Variants in ATP8A2 observed in about 807,000 individuals in gnomAD.
ATP8A2 encodes phospholipid-transporting ATPase IB.
A neutral mutation model predicts 165.6 loss-of-function variants in ATP8A2; 100 were observed. That is an observed-to-expected ratio of 0.60 (90% CI 0.51 to 0.71). The LOEUF is 0.71. ATP8A2 is among the 30% of genes least tolerant of loss of function. The probability of loss-of-function intolerance (pLI) is 0.00; values close to 1 mark genes in which losing one functional copy is unlikely to be tolerated. For missense variants in ATP8A2, 1,227 were observed against 1,479.5 expected (o/e 0.83, Z 2.80); for synonymous variants, 543 against 548.8 (o/e 0.99, Z 0.15).
chr13:25,605,295 T>A (rs1239408823), intron 24 of ATP8A2, among the ~76,000 whole-genome samples: 1 of 152,198 alleles, frequency 6.6e-6, no homozygotes, highest in Admixed American at 6.5e-5. Context: ...GAACCTTTGA[T>A]GTAGTTCACT....
chr13:25,592,815 C>T (rs190337762), intron 24 of ATP8A2, among the ~76,000 whole-genome samples: 20 of 152,238 alleles, frequency 1.3e-4, no homozygotes, highest in East Asian at 5.8e-4. Context: ...TGGTTTGTGA[C>T]GCCAAACTGA....
At chr13:25,560,568 C>T (rs1593534388) in intron 15 of ATP8A2, among the ~76,000 whole-genome samples, 2 of 151,288 alleles carry the variant, frequency 1.3e-5, no homozygotes, top group South Asian at 4.2e-4. Flanking sequence ...GATGTGGTGG[C>T]GGGTGCCTGT....
In ATP8A2 at chr13:25,669,937, G is replaced by A. The variant is rs2042231585; in HGVS notation, c.2212-29236G>A. On this transcript the variant is annotated intron_variant, in intron 24 of 36. Transcript: ENST00000381655. ...ATACCTGCAGTATTTTAAGAATAAGGTTTACTTTAGCTCCCTGATACCAGC... is the reference window on the plus strand; with the variant it reads ...ATACCTGCAGTATTTTAAGAATAAGATTTACTTTAGCTCCCTGATACCAGC... Among the ~76,000 whole-genome samples the A allele has an allele frequency of 2.0e-5, 3 of 152,172 alleles. No individual in the cohort carries two copies. In the South Asian group the frequency reaches 6.2e-4, roughly 32 times the overall value.
intron 24 of ATP8A2, among the ~76,000 whole-genome samples, chr13:25,628,993 C>T (rs966735865): frequency 1.3e-5 from 2 of 152,178 alleles, no homozygotes; most frequent in Non-Finnish European, 2.9e-5. Flanking sequence ...TGGTGATCAT[C>T]ACTCTTCCAG....
chr13:25,752,452 T>TA (rs1448802323), intron 25 of ATP8A2, among the ~76,000 whole-genome samples: 5 of 150,748 alleles, frequency 3.3e-5, no homozygotes, highest in African/African-American at 7.3e-5. Context: ...AGTGAGACTC[T>TA]GAAAAAAAAG....
At chr13:25,947,088 C>G (rs1318912371) in intron 33 of ATP8A2, among the ~76,000 whole-genome samples, 1 of 152,144 alleles carries the variant, frequency 6.6e-6, no homozygotes, top group East Asian at 1.9e-4. Context: ...TTTTCCAAAT[C>G]TTTGGGTGAG....
At chr13:25,884,741 G>A (rs1305017748) in intron 33 of ATP8A2, among the ~76,000 whole-genome samples, 1 of 152,200 alleles carries the variant, frequency 6.6e-6, no homozygotes, top group Non-Finnish European at 1.5e-5. Context: ...TCGTGAGAAT[G>A]GGGCCCAAAC....
chr13:25,961,441 G>A, intron 33 of ATP8A2, 134 bp from the exon 34 acceptor site: 1 of 682,046 alleles, frequency 1.5e-6, no homozygotes, highest in Non-Finnish European at 2.6e-6. Flanking sequence ...TCCTGCCAGT[G>A]CATGGGTTAC....
chr13:25,696,150 A>G (rs999551092), intron 24 of ATP8A2, among the ~76,000 whole-genome samples: 1 of 152,202 alleles, frequency 6.6e-6, no homozygotes, highest in Non-Finnish European at 1.5e-5. Context: ...AGTGAGCAGT[A>G]ATATTTTGAA....
rs570571766 is a variant in ATP8A2 at position 25,966,813 on chromosome 13, C to T, written c.3273-1762C>T. Among the ~76,000 whole-genome samples, 20 of 152,336 alleles carry T rather than the reference C, an allele frequency of 1.3e-4. No homozygotes were observed. The East Asian group carries it at 3.7e-3, about 28-fold the overall frequency. On this transcript the variant is annotated intron_variant, in intron 34 of 36. Transcript: ENST00000381655. Reference sequence around the variant, plus strand: ...TAAGCTGTAGGTTCCCAGTGGCCAACCTTCCTATTCCAGCCTCCCACTTAG... The same window carrying T: ...TAAGCTGTAGGTTCCCAGTGGCCAATCTTCCTATTCCAGCCTCCCACTTAG...
chr13:25,469,120 A>G lies in ATP8A2; in HGVS notation c.220A>G (p.Ser74Gly), dbSNP rs770981523. 17 of 1,613,620 alleles carry G rather than the reference A, an allele frequency of 1.1e-5. No individual in the cohort carries two copies. The highest frequency in any genetic ancestry group is 4.5e-5 in the East Asian group (2 of 44,852). Residue 74 changes from serine (S) to glycine (G), a missense_variant and splice_region_variant, in exon 2 of 37, where the codon AGT becomes GGT. Ser to Gly is a moderately conservative substitution (Grantham distance 56). Transcript: ENST00000381655. ...CAACAAATTCCGCGACAACCAGATC[A>G]GGTAGGAGAAGGCGGCCGGCTCGCG... Reference protein sequence around the residue: ...HLNKFRDNQISTAKYSVLTFL... With the variant: ...HLNKFRDNQIGTAKYSVLTFL...
Position 25,961,585 on chromosome 13 carries a change from T to C in ATP8A2, c.3194T>C (p.Val1065Ala). ...APDMRGQATMVLSSAHFWLGL... is the reference protein window; with the variant it reads ...APDMRGQATMALSSAHFWLGL... ...TTCTATTTCTTGCAGGCAACTATGGTCCTGAGCTCCGCACACTTCTGGTTG... is the reference window on the plus strand; with the variant it reads ...TTCTATTTCTTGCAGGCAACTATGGCCCTGAGCTCCGCACACTTCTGGTTG... Residue 1065 changes from valine (V) to alanine (A), a missense_variant, in exon 34 of 37, where the codon GTC (valine) becomes GCC (alanine). Physicochemically the swap from Val to Ala is moderately conservative, Grantham distance 64. Around this residue, in one of 5 missense-constraint regions of ATP8A2, gnomAD observed 260 missense variants for 245.1 expected, o/e 1.06. Transcript: ENST00000381655. 1 of 1,613,914 alleles carries C rather than the reference T, an allele frequency of 6.2e-7. No homozygotes were observed. Among genetic ancestry groups the C allele is most frequent in the African/African-American group, 1.3e-5 (1 of 75,062 alleles).
intron 33 of ATP8A2, among the ~76,000 whole-genome samples, chr13:25,877,048 C>G (rs1200536485): frequency 6.6e-6 from 1 of 151,888 alleles, no homozygotes; most frequent in Non-Finnish European, 1.5e-5. Flanking sequence ...AAAAACTAAT[C>G]CTTTTTTCCC....
chr13:25,519,852 T>C (rs1435835953), intron 2 of ATP8A2, among the ~76,000 whole-genome samples: 1 of 152,218 alleles, frequency 6.6e-6, no homozygotes, highest in Non-Finnish European at 1.5e-5. Flanking sequence ...CATTTACCCC[T>C]GGAGATGTTT....
At chr13:25,641,679 C>T (rs1467874595) in intron 24 of ATP8A2, among the ~76,000 whole-genome samples, 1 of 151,960 alleles carries the variant, frequency 6.6e-6, no homozygotes, top group Admixed American at 6.6e-5. Context: ...CCATACTGCT[C>T]AAGGTAATTT....
At chr13:25,736,480 G>A (rs2043771313) in intron 25 of ATP8A2, among the ~76,000 whole-genome samples, 1 of 152,164 alleles carries the variant, frequency 6.6e-6, no homozygotes, top group Non-Finnish European at 1.5e-5. Flanking sequence ...CGTTTCAGAG[G>A]GGCCTGTGAG....
chr13:25,519,585 C>A (rs747321196), intron 2 of ATP8A2, among the ~76,000 whole-genome samples: 4 of 152,098 alleles, frequency 2.6e-5, no homozygotes, highest in Non-Finnish European at 5.9e-5. Flanking sequence ...TCAGGAAACA[C>A]TGGCCTCATG....
At chr13:25,913,028 C>T (rs550179388) in intron 33 of ATP8A2, among the ~76,000 whole-genome samples, 8 of 152,268 alleles carry the variant, frequency 5.3e-5, no homozygotes, top group Admixed American at 4.6e-4. Context: ...TAGGTTCCTG[C>T]TTTCAAAAAG....
intron 36 of ATP8A2, among the ~76,000 whole-genome samples, chr13:26,018,165 G>A (rs762321655): frequency 4.6e-5 from 7 of 152,138 alleles, no homozygotes; most frequent in Non-Finnish European, 8.8e-5. Flanking sequence ...TGCCTCCCCC[G>A]ATAACCCCCC....
Sources: gnomAD v4.1 joint callset for allele counts (sites outside exome capture counted in the v4.1 genomes callset) on GRCh38, gnomAD v4.1.1 for gene constraint, gnomAD v4.1.1 regional missense constraint, MANE v1.5 for transcripts, NCBI Gene and HGNC (gene_info 2026-07-23, HGNC 2026-07-21) for gene names.